Variants in OTUD7B observed in about 807,000 individuals in gnomAD.
The protein encoded by OTUD7B is OTU deubiquitinase 7B, also known as OTU domain-containing protein 7B.
OTUD7B carries 34 observed loss-of-function variants against 82.2 expected under a neutral mutation model. The ratio of observed to expected loss-of-function variants is 0.41; its 90% CI spans 0.31 to 0.55. The LOEUF (loss-of-function observed/expected upper bound fraction) is 0.55. OTUD7B is among the 20% of genes least tolerant of loss of function. OTUD7B has a pLI of 0.20. For missense variants in OTUD7B, 944 were observed against 1,062.1 expected, an observed-to-expected ratio of 0.89 and a Z score of 1.55; for synonymous variants, 398 against 402.7, an observed-to-expected ratio of 0.99 and a Z score of 0.14.
rs181487337 is a variant in OTUD7B at position 149,991,154 on chromosome 1, C to T, written c.-66-13578G>A. ...AACCCCACAGGCTAAATAACTCTTA[C>T]TATTTTGTTTTTTAAAATAATATCC... On this transcript the variant is annotated intron_variant, in intron 1 of 11. Coordinates refer to ENST00000581312, the MANE Select transcript of OTUD7B (RefSeq NM_020205.4). 2.0e-5 allele frequency among the ~76,000 whole-genome samples: 3 copies of T among 152,086 alleles called. No individual in the cohort carries two copies. In the East Asian group the frequency reaches 5.8e-4, roughly 29 times the overall value.
intron 1 of OTUD7B, among the ~76,000 whole-genome samples, chr1:149,992,889 G>T (rs1016532935): frequency 7.2e-5 from 11 of 152,072 alleles, no homozygotes; most frequent in Admixed American, 2.0e-4. Context: ...GGTGGCTCAC[G>T]CCTGTAATCC....
chr1:149,979,071 T>C (rs1002063170), intron 1 of OTUD7B, among the ~76,000 whole-genome samples: 10 of 151,954 alleles, frequency 6.6e-5, no homozygotes, highest in African/African-American at 2.4e-4. Flanking sequence ...TCTCTTGTCC[T>C]GTTCTAATAG....
rs587718566 is a variant in OTUD7B, at chr1:149,999,834, C to T, written c.-67+10614G>A. On this transcript the variant is annotated intron_variant, in intron 1 of 11. Coordinates refer to ENST00000581312, the MANE Select transcript of OTUD7B (RefSeq NM_020205.4). The stretch of plus-strand genomic sequence containing the variant: ...TTAACACTAAAGCCTCAGAGGAATT[C>T]GCTCTTCCTTTTCTTTTGATGTTAG... Among the ~76,000 whole-genome samples, 7 of 152,304 alleles carry T rather than the reference C, an allele frequency of 4.6e-5. No homozygotes were observed. In the East Asian group the frequency reaches 1.2e-3, roughly 25 times the overall value.
At chr1:149,981,699 T>C (rs890311826) in intron 1 of OTUD7B, among the ~76,000 whole-genome samples, 3 of 152,230 alleles carry the variant, frequency 2.0e-5, no homozygotes, top group Non-Finnish European at 4.4e-5. Flanking sequence ...GCTGACCTCA[T>C]TGTATAAACT....
chr1:150,025,148 G>A, the OTUD7B span, among the ~76,000 whole-genome samples: 1,890 of 151,988 alleles, frequency 0.012, 35 homozygotes, highest in African/African-American at 0.043. Context: ...GGGGCTGGGC[G>A]CGGTGCCTCA....
chr1:150,012,627 CTT>C (rs782297738), upstream of OTUD7B, among the ~76,000 whole-genome samples: 53 of 152,246 alleles, frequency 3.5e-4, no homozygotes, highest in Non-Finnish European at 6.8e-4. Context: ...CAATATAAGA[CTT>C]TTTCTTTTGG....
intron 1 of OTUD7B, among the ~76,000 whole-genome samples, chr1:149,984,242 G>GA (rs369903042): frequency 0.99 from 149,091 of 151,176 alleles, 73,559 homozygotes; most frequent in East Asian, 1. Flanking sequence ...CTACTTCACA[G>GA]AAAAAAAAAT....
the OTUD7B span, among the ~76,000 whole-genome samples, chr1:150,053,161 T>C: frequency 2.0e-5 from 3 of 152,114 alleles, no homozygotes; most frequent in Non-Finnish European, 4.4e-5. Flanking sequence ...CTAAAAGCAA[T>C]CGCAAAAAAT....
At chr1:150,017,960 A>G in the OTUD7B span, among the ~76,000 whole-genome samples, 2 of 152,000 alleles carry the variant, frequency 1.3e-5, no homozygotes, top group Non-Finnish European at 2.9e-5. Context: ...CGTGCCCTCC[A>G]TTTCCATATT....
rs189358728 is a variant in OTUD7B, at chr1:149,994,849, T to C, written c.-67+15599A>G. Among the ~76,000 whole-genome samples, 8 of 152,234 alleles carry C rather than the reference T, an allele frequency of 5.3e-5. No homozygotes were observed. In the East Asian group the frequency reaches 1.4e-3, roughly 26 times the overall value. On this transcript the variant is annotated intron_variant, in intron 1 of 11. Coordinates refer to ENST00000581312, the MANE Select transcript of OTUD7B (RefSeq NM_020205.4). ...AGAAGTTATTTCTATCAAAAAAGCA[T>C]TGGACTGACTCTAGCAATGCAAACA...
upstream of OTUD7B, among the ~76,000 whole-genome samples, chr1:150,012,289 G>A (rs192673119): frequency 3.8e-3 from 583 of 152,262 alleles, 3 homozygotes; most frequent in African/African-American, 0.013. Flanking sequence ...GGCTACAGCC[G>A]TTGGAAAGGA....
At chr1:149,969,267 G>A (rs1454640222) in intron 3 of OTUD7B, among the ~76,000 whole-genome samples, 2 of 152,074 alleles carry the variant, frequency 1.3e-5, no homozygotes, top group East Asian at 1.9e-4. Flanking sequence ...AGGCTGTAGT[G>A]AGCTGTGTTC....
Position 149,977,476 on chromosome 1 carries a change from A to C in OTUD7B, c.35T>G (p.Phe12Cys). Residue 12 changes from phenylalanine to cysteine, a missense_variant, in exon 2 of 12, where the codon TTT (phenylalanine) becomes TGT (cysteine). Around this residue, in one of 3 missense-constraint regions of OTUD7B, gnomAD observed 530 missense variants for 625.6 expected, o/e 0.85. Transcript: ENST00000581312. Reference sequence around the variant, plus strand: ...TGGCTCTGCTCCTGTGGAACGGACAAAATCTGACAGAACAGCATCCATGTC... The same window carrying C: ...TGGCTCTGCTCCTGTGGAACGGACACAATCTGACAGAACAGCATCCATGTC... ...TLDMDAVLSD[F>C]VRSTGAEPGL... is the part of the protein sequence containing the mutation. 1 of 1,614,172 alleles carries C rather than the reference A, an allele frequency of 6.2e-7. No homozygotes were observed.
intron 7 of OTUD7B, among the ~76,000 whole-genome samples, chr1:149,959,168 C>T (rs1299046965): frequency 6.6e-6 from 1 of 150,742 alleles, no homozygotes; most frequent in Non-Finnish European, 1.5e-5. Flanking sequence ...TTGCAGTGAG[C>T]AGAGATCACA....
intron 1 of OTUD7B, among the ~76,000 whole-genome samples, chr1:150,007,280 T>TA (rs1173483974): frequency 2.6e-5 from 4 of 152,200 alleles, no homozygotes; most frequent in Non-Finnish European, 4.4e-5. Flanking sequence ...GGTCACATGG[T>TA]AAAAAATAGC....
intron 6 of OTUD7B, chr1:149,963,597 AC>A (rs1404503314): frequency 6.6e-6 from 1 of 150,742 alleles, no homozygotes; most frequent in African/African-American, 2.4e-5. Flanking sequence ...AGTTTGCGCA[AC>A]CCGTTTTGGA....
rs782446481 is a variant in OTUD7B at position 149,949,623 on chromosome 1, C to T, written c.1123+6G>A. On this transcript the variant is annotated splice_donor_region_variant and intron_variant, in intron 9 of 11. Transcript: ENST00000581312. ...AATGCAGACCAAAAGACATGTCATT[C>T]AGCACCTTGTTCCTTGGTATTCTCC... 6.2e-7 allele frequency: 1 copy of T among 1,612,542 alleles called. No homozygotes were observed. Among genetic ancestry groups the T allele is most frequent in the East Asian group, 2.2e-5 (1 of 44,846 alleles).
At chr1:149,954,182 T>G (rs587658727) in intron 7 of OTUD7B, among the ~76,000 whole-genome samples, 1 of 152,156 alleles carries the variant, frequency 6.6e-6, no homozygotes, top group Non-Finnish European at 1.5e-5. Flanking sequence ...TGGCTGTGGG[T>G]TTGTCATAAA....
the OTUD7B span, chr1:150,054,440 G>A: frequency 3.8e-6 from 2 of 532,238 alleles, no homozygotes; most frequent in Non-Finnish European, 3.7e-6. Flanking sequence ...CCAGAAATCT[G>A]TCATTGCCAC....
Sources: gnomAD v4.1 joint callset for allele counts (sites outside exome capture counted in the v4.1 genomes callset) on GRCh38, gnomAD v4.1.1 for gene constraint, gnomAD v4.1.1 regional missense constraint, MANE v1.5 for transcripts, NCBI Gene and HGNC (gene_info 2026-07-23, HGNC 2026-07-21) for gene names.